The following PARD3B variants were observed in gnomAD, a reference collection of about 807,000 sequenced individuals.
PARD3B encodes the protein par-3 family cell polarity regulator beta, also known as partitioning defective 3 homolog B.
In PARD3B, 103 loss-of-function variants were observed where a neutral mutation model predicts 130.2. That is an observed-to-expected ratio of 0.79 (90% CI 0.67 to 0.93). The LOEUF (loss-of-function observed/expected upper bound fraction) is 0.93, where lower values mean the gene tolerates loss of function less well. PARD3B is among the 40% of genes least tolerant of loss of function. The pLI, the probability that PARD3B is intolerant of heterozygous loss-of-function variation, is 0.00. For missense variants in PARD3B, 1,609 were observed against 1,499.2 expected (o/e 1.07, Z -1.21); for synonymous variants, 583 against 553.2 (o/e 1.05, Z -0.76).
rs1379708892 is a variant in PARD3B at position 205,125,592 on chromosome 2, A to G, written c.1306-17A>G. On this transcript the variant is annotated splice_polypyrimidine_tract_variant and intron_variant, in intron 9 of 22. Transcript: ENST00000406610. This position sits in a 1 kb window ranked among gnomAD's most constrained non-coding sequence, Gnocchi z 4.0. ...AAGTATTGTGATTGTGGCTGTTCAT[A>G]TGCTTTTATTCATTAGGTAAATGGG... is the stretch of plus-strand genomic sequence containing the variant. 6.2e-7 allele frequency: 1 copy of G among 1,612,844 alleles called. No homozygotes were observed. The highest frequency in any genetic ancestry group is 8.5e-7 in the Non-Finnish European group (1 of 1,179,370).
chr2:204,877,289 C>T (rs2045882408), intron 2 of PARD3B, among the ~76,000 whole-genome samples: 1 of 151,970 alleles, frequency 6.6e-6, no homozygotes, highest in Admixed American at 6.6e-5. Context: ...GGAGATATAC[C>T]TAATGTAAAT....
chr2:205,381,071 A>ATATAAAGAATATATAT (rs1253354756), intron 18 of PARD3B, among the ~76,000 whole-genome samples: 17 of 20,834 alleles, frequency 8.2e-4, no homozygotes, highest in African/African-American at 2.7e-3. Flanking sequence ...AATATATATT[A>ATATAAAGAATATATAT]TATATATTAT....
chr2:205,292,296 A>T lies in PARD3B; in HGVS notation c.2186-8234A>T, dbSNP rs1476912859. Among the ~76,000 whole-genome samples the T allele has an allele frequency of 6.6e-6, 1 of 152,056 alleles. No individual in the cohort carries two copies. Among genetic ancestry groups the T allele is most frequent in the Non-Finnish European group, 1.5e-5 (1 of 68,020 alleles). On this transcript the variant is annotated intron_variant, in intron 16 of 22. Transcript: ENST00000406610. The surrounding 1 kb of genome is among the most constrained non-coding windows in gnomAD (Gnocchi z 5.3). ...CACAGAGAGTTCCCTTGACCCTTCC[A>T]CCATGTGAGGACACAATGAGAACAC...
At chr2:205,057,553 G>A (rs1365422927) in intron 4 of PARD3B, among the ~76,000 whole-genome samples, 1 of 144,538 alleles carries the variant, frequency 6.9e-6, no homozygotes, top group African/African-American at 2.6e-5. Flanking sequence ...ATGTGTATAT[G>A]TATATATACA....
At chr2:205,521,295 C>CTTTTTATGAA (rs1198882396) in intron 21 of PARD3B, among the ~76,000 whole-genome samples, 1 of 151,856 alleles carries the variant, frequency 6.6e-6, no homozygotes, top group Non-Finnish European at 1.5e-5. Context: ...TATATTTCTT[C>CTTTTTATGAA]TTTTTATGAA....
At chr2:205,523,243 TTA>T (rs1210115446) in intron 21 of PARD3B, among the ~76,000 whole-genome samples, 4 of 144,310 alleles carry the variant, frequency 2.8e-5, no homozygotes, top group African/African-American at 2.6e-5. Flanking sequence ...ATATATATAT[TTA>T]TATATATATA....
chr2:204,825,176 C>T (rs952725944), intron 2 of PARD3B, among the ~76,000 whole-genome samples: 4 of 152,100 alleles, frequency 2.6e-5, no homozygotes, highest in East Asian at 1.9e-4. Flanking sequence ...GTTATCTGTT[C>T]GTGTAGTCAG....
Position 204,748,977 on chromosome 2 carries a change from T to G in PARD3B, c.222+62695T>G, listed in dbSNP as rs867133961. Among the ~76,000 whole-genome samples the G allele has an allele frequency of 7.0e-4, 107 of 152,276 alleles. No individual in the cohort carries two copies. In the Middle Eastern group the frequency reaches 0.014, roughly 19 times the overall value. On this transcript the variant is annotated intron_variant, in intron 2 of 22. Transcript: ENST00000406610. The stretch of plus-strand genomic sequence containing the variant: ...CTTGATCATTTACATACTTATAATT[T>G]TATTTACTTGAGCCAACCCCCTTTT...
At chr2:204,966,451 C>T (rs1691260322) in intron 3 of PARD3B, among the ~76,000 whole-genome samples, 1 of 152,166 alleles carries the variant, frequency 6.6e-6, no homozygotes, top group Non-Finnish European at 1.5e-5. Flanking sequence ...AGCAACCTTA[C>T]AGCCCCATCA....
At chr2:204,809,503 G>A (rs561327732) in intron 2 of PARD3B, among the ~76,000 whole-genome samples, 3 of 151,828 alleles carry the variant, frequency 2.0e-5, no homozygotes, top group African/African-American at 7.2e-5. Flanking sequence ...GAGTTAGCCA[G>A]TTATCTCAGC....
At chr2:204,611,520 A>G (rs1014995036) in intron 1 of PARD3B, among the ~76,000 whole-genome samples, 2 of 152,202 alleles carry the variant, frequency 1.3e-5, no homozygotes, top group East Asian at 1.9e-4. Flanking sequence ...TGGTATGTAA[A>G]TAAAACTAAT....
chr2:205,172,815 T>C (rs2035250148), intron 12 of PARD3B, among the ~76,000 whole-genome samples: 1 of 152,198 alleles, frequency 6.6e-6, no homozygotes, highest in Non-Finnish European at 1.5e-5. Context: ...ACTTAACTAA[T>C]TTAACATTTG....
rs1450137245 is a variant in PARD3B at position 205,011,436 on chromosome 2, T to C, written c.395-36145T>C. Among the ~76,000 whole-genome samples the C allele has an allele frequency of 6.6e-6, 1 of 152,080 alleles. No homozygotes were observed. Among genetic ancestry groups the C allele is most frequent in the Non-Finnish European group, 1.5e-5 (1 of 68,012 alleles). ...GCTGCATCCCCTCAGAACAAGTGAC[T>C]CGAGAGAGAAATTAAGAGGGGCATG... On this transcript the variant is annotated intron_variant, in intron 3 of 22. Coordinates refer to ENST00000406610, the MANE Select transcript of PARD3B (RefSeq NM_001302769.2). This position sits in a 1 kb window ranked among gnomAD's most constrained non-coding sequence, Gnocchi z 4.1.
chr2:204,839,159 T>G lies in PARD3B; in HGVS notation c.223-125993T>G, dbSNP rs140865092. ...GGTCAGCCCTGTTCTGGGTTTCTAT[T>G]AGCTACAGTTAGTGTTTTGGAGTAT... is the stretch of plus-strand genomic sequence containing the variant. On this transcript the variant is annotated intron_variant, in intron 2 of 22. Transcript: ENST00000406610. Among the ~76,000 whole-genome samples the G allele has an allele frequency of 1.0e-3, 159 of 152,306 alleles. 1 individual carries two copies. The highest frequency in any genetic ancestry group is 3.5e-3 in the African/African-American group (145 of 41,572).
chr2:204,601,223 T>C (rs976510781), intron 1 of PARD3B, among the ~76,000 whole-genome samples: 2 of 151,916 alleles, frequency 1.3e-5, no homozygotes, highest in African/African-American at 4.8e-5. Flanking sequence ...CTAATAAGGA[T>C]TAGTTGGAGA....
intron 15 of PARD3B, among the ~76,000 whole-genome samples, chr2:205,240,036 T>A (rs1239924671): frequency 6.6e-6 from 1 of 152,072 alleles, no homozygotes; most frequent in South Asian, 2.1e-4. Context: ...ACTCAAAAAG[T>A]CTTCCTAAGC....
At chr2:205,057,628 T>TATATATA (rs1559397609) in intron 4 of PARD3B, among the ~76,000 whole-genome samples, 1 of 143,116 alleles carries the variant, frequency 7.0e-6, no homozygotes, top group African/African-American at 2.6e-5. Context: ...TGTATACGTA[T>TATATATA]ATATATACAT....
In PARD3B at chr2:205,397,135, C is replaced by T. The variant is rs532010276; in HGVS notation, c.2631-3878C>T. Among the ~76,000 whole-genome samples, 1 of 152,132 alleles carries T rather than the reference C, an allele frequency of 6.6e-6. No homozygotes were observed. Among genetic ancestry groups the T allele is most frequent in the Non-Finnish European group, 1.5e-5 (1 of 68,030 alleles). On this transcript the variant is annotated intron_variant, in intron 18 of 22. Coordinates refer to ENST00000406610, the MANE Select transcript of PARD3B (RefSeq NM_001302769.2). The surrounding 1 kb of genome is among the most constrained non-coding windows in gnomAD (Gnocchi z 4.8). ...ATTAACTTCTCTGGGTCTCAATTTC[C>T]TCATCTTAACAATGCGGGAGTTTTT...
intron 15 of PARD3B, among the ~76,000 whole-genome samples, chr2:205,228,702 G>GTC (rs2038687009): frequency 2.0e-5 from 3 of 152,138 alleles, no homozygotes; most frequent in African/African-American, 4.8e-5. Flanking sequence ...TTTTACCCCT[G>GTC]TCTCTCTCTC....
Sources: gnomAD v4.1 joint callset for allele counts (sites outside exome capture counted in the v4.1 genomes callset) on GRCh38, gnomAD v4.1.1 for gene constraint, Gnocchi (gnomAD v3.1) non-coding constraint, MANE v1.5 for transcripts, NCBI Gene and HGNC (gene_info 2026-07-23, HGNC 2026-07-21) for gene names.